The following ROBO1 variants were observed in gnomAD, a reference collection of about 807,000 sequenced individuals.
ROBO1 encodes the protein roundabout guidance receptor 1, also known as roundabout homolog 1.
A neutral mutation model predicts 195.9 loss-of-function variants in ROBO1; 149 were observed. The ratio of observed to expected loss-of-function variants is 0.76; its 90% CI spans 0.67 to 0.87. The LOEUF is 0.87. Among genes scored for constraint, ROBO1 ranks in the 40% least tolerant of loss-of-function variants. The pLI is 0.00. For missense variants in ROBO1, 1,933 were observed against 2,068.3 expected (o/e 0.93, Z 1.27); for synonymous variants, 816 against 733.2 (o/e 1.11, Z -1.82).
At chr3:79,487,490 C>G (rs1939224361) in intron 2 of ROBO1, among the ~76,000 whole-genome samples, 1 of 152,164 alleles carries the variant, frequency 6.6e-6, no homozygotes, top group Non-Finnish European at 1.5e-5. Context: ...GCTGGGATTA[C>G]AGGCAGGAAC....
chr3:79,236,208 C>G (rs1397512569), intron 2 of ROBO1, among the ~76,000 whole-genome samples: 1 of 152,096 alleles, frequency 6.6e-6, no homozygotes, highest in African/African-American at 2.4e-5. Flanking sequence ...AATCACGATT[C>G]CTAGTATTTA....
intron 4 of ROBO1, among the ~76,000 whole-genome samples, chr3:78,799,350 G>T (rs28377822): frequency 5.6e-4 from 84 of 149,218 alleles, no homozygotes; most frequent in Non-Finnish European, 9.2e-4. Context: ...TTTGTTTTTT[G>T]TTTTTTTTTG....
intron 3 of ROBO1, among the ~76,000 whole-genome samples, chr3:79,048,218 T>A (rs2078630335): frequency 6.6e-6 from 1 of 152,130 alleles, no homozygotes; most frequent in African/African-American, 2.4e-5. Context: ...GCTTTGATGA[T>A]CAGGTCTTTA....
At chr3:79,657,907 C>G (rs1297831144) in intron 1 of ROBO1, among the ~76,000 whole-genome samples, 1 of 151,972 alleles carries the variant, frequency 6.6e-6, no homozygotes, top group African/African-American at 2.4e-5. Flanking sequence ...CCAGCACACT[C>G]TCTATGACTT....
At chr3:79,118,690 A>G (rs1453616869) in intron 3 of ROBO1, among the ~76,000 whole-genome samples, 1 of 152,040 alleles carries the variant, frequency 6.6e-6, no homozygotes, top group Non-Finnish European at 1.5e-5. Flanking sequence ...CAACATGGTG[A>G]AACTCCATCT....
intron 1 of ROBO1, among the ~76,000 whole-genome samples, chr3:79,706,269 A>G (rs1947766993): frequency 6.6e-6 from 1 of 152,094 alleles, no homozygotes. Context: ...ATGATTAAGT[A>G]TGAGTTTGTG....
At chr3:79,074,496 G>A (rs1183774044) in intron 3 of ROBO1, among the ~76,000 whole-genome samples, 2 of 151,798 alleles carry the variant, frequency 1.3e-5, no homozygotes, top group African/African-American at 4.8e-5. Flanking sequence ...ATAGCTCACT[G>A]TAGCCTTGAC....
chr3:78,999,855 T>C (rs1457116937), intron 3 of ROBO1, among the ~76,000 whole-genome samples: 1 of 152,212 alleles, frequency 6.6e-6, no homozygotes, highest in Non-Finnish European at 1.5e-5. Context: ...TTCTGCTTAG[T>C]CTGATGGGCA....
chr3:78,972,481 T>G (rs72910228), intron 3 of ROBO1, among the ~76,000 whole-genome samples: 4,375 of 152,256 alleles, frequency 0.029, 204 homozygotes, highest in African/African-American at 0.099. Flanking sequence ...AAACAAACAA[T>G]GTACACAACT....
At position 79,694,304 on chromosome 3, in the gene ROBO1, C is replaced by CAA. The variant is rs71631671; in HGVS notation, c.-51+73446_-51+73447dup. Among the ~76,000 whole-genome samples the CAA allele has an allele frequency of 6.5e-4, 98 of 151,432 alleles. 1 individual carries two copies. In the South Asian group the frequency reaches 0.019, roughly 29 times the overall value. On this transcript the variant is annotated intron_variant, in intron 1 of 30. Transcript: ENST00000464233. Reference sequence around the variant, plus strand: ...CAAATAATTTATAAGCCACAGTTTACAAAAAAAATGGCCTATTTACTTATC... The same window carrying CAA: ...CAAATAATTTATAAGCCACAGTTTACAAAAAAAAAATGGCCTATTTACTTATC...
chr3:79,137,993 A>G (rs543415367), intron 2 of ROBO1, among the ~76,000 whole-genome samples: 68 of 152,220 alleles, frequency 4.5e-4, no homozygotes, highest in Admixed American at 1.5e-3. Context: ...TAAAGTATTT[A>G]ATAAGGTAGT....
chr3:79,623,672 A>T (rs1358445162), intron 1 of ROBO1, among the ~76,000 whole-genome samples: 15 of 152,116 alleles, frequency 9.9e-5, no homozygotes, highest in East Asian at 3.9e-4. Context: ...AAATGAACAA[A>T]GACTACAAGA....
intron 1 of ROBO1, among the ~76,000 whole-genome samples, chr3:79,761,173 ATACT>A (rs1704678716): frequency 1.3e-5 from 2 of 148,552 alleles, no homozygotes; most frequent in Admixed American, 1.3e-4. Flanking sequence ...ATATATGTAT[ATACT>A]TATAGTATTT....
chr3:79,315,020 A>T (rs997965296), intron 2 of ROBO1, among the ~76,000 whole-genome samples: 3 of 150,112 alleles, frequency 2.0e-5, no homozygotes, highest in African/African-American at 7.3e-5. Context: ...GAGGACAGAA[A>T]CGAAATGGGA....
chr3:78,786,238 A>T (rs973872478), intron 4 of ROBO1, among the ~76,000 whole-genome samples: 1 of 152,186 alleles, frequency 6.6e-6, no homozygotes, highest in Non-Finnish European at 1.5e-5. Context: ...GTCTTAAAAA[A>T]GTGACTTCTT....
intron 4 of ROBO1, among the ~76,000 whole-genome samples, chr3:78,854,467 A>T (rs1367104242): frequency 6.6e-6 from 1 of 151,266 alleles, no homozygotes; most frequent in East Asian, 1.9e-4. Flanking sequence ...AACCCTGACT[A>T]ATATAATCAC....
At chr3:78,866,267 G>A (rs556803965) in intron 4 of ROBO1, among the ~76,000 whole-genome samples, 9 of 152,236 alleles carry the variant, frequency 5.9e-5, no homozygotes, top group Admixed American at 2.6e-4. Context: ...AAGCAATAGA[G>A]CATTTAGAAA....
intron 4 of ROBO1, among the ~76,000 whole-genome samples, chr3:78,865,719 C>A (rs958925756): frequency 6.6e-6 from 1 of 152,130 alleles, no homozygotes; most frequent in Non-Finnish European, 1.5e-5. Context: ...GATCCTCCTG[C>A]CTTGGCCTCC....
At chr3:78,878,403 T>C (rs2035977463) in intron 4 of ROBO1, among the ~76,000 whole-genome samples, 2 of 151,886 alleles carry the variant, frequency 1.3e-5, no homozygotes. Flanking sequence ...CTGGCCAACA[T>C]GGCAAACCCC....
Sources: gnomAD v4.1 joint callset for allele counts (sites outside exome capture counted in the v4.1 genomes callset) on GRCh38, gnomAD v4.1.1 for gene constraint, MANE v1.5 for transcripts, NCBI Gene and HGNC (gene_info 2026-07-23, HGNC 2026-07-21) for gene names.